ARPP19: variants seen among roughly 807,000 people sequenced by gnomAD.
ARPP19 encodes the protein cAMP regulated phosphoprotein 19.
A neutral mutation model predicts 12.0 loss-of-function variants in ARPP19; 8 were observed. That is an observed-to-expected ratio of 0.67 (90% CI 0.39 to 1.21). The LOEUF (loss-of-function observed/expected upper bound fraction) is 1.21, where lower values mean the gene tolerates loss of function less well. Ranked by LOEUF, ARPP19 falls within the 50% of genes most tolerant of loss-of-function variation. The pLI, the probability that ARPP19 is intolerant of heterozygous loss-of-function variation, is 0.01. For missense variants in ARPP19, 102 were observed against 136.3 expected (o/e 0.75, Z 1.25); for synonymous variants, 47 against 50.4 (o/e 0.93, Z 0.29).
chr15:52,568,622 A>C (rs561691901), intron 1 of ARPP19: 96 of 462,288 alleles, frequency 2.1e-4, no homozygotes, highest in Non-Finnish European at 3.4e-4. Context: ...CGACCCACGG[A>C]GGTGTTACAA....
At position 52,555,857 on chromosome 15, in the gene ARPP19, T is replaced by C. The variant is rs1259892062; in HGVS notation, c.168+1243A>G. On this transcript the variant is annotated intron_variant, in intron 2 of 2. Coordinates refer to ENST00000249822, the MANE Select transcript of ARPP19 (RefSeq NM_006628.6). ...GCATTTCACTGATGTCTATAATATA[T>C]AAACATTTCTCTGTTTTTTATATTT... Among the ~76,000 whole-genome samples the C allele has an allele frequency of 2.6e-5, 4 of 151,906 alleles. No homozygotes were observed. The South Asian group carries it at 8.3e-4, about 31-fold the overall frequency.
chr15:52,568,778 C>T, intron 1 of ARPP19, 70 bp downstream of exon 1: 3 of 1,199,058 alleles, frequency 2.5e-6, no homozygotes, highest in Non-Finnish European at 3.4e-6. Flanking sequence ...GGCCCTCCGC[C>T]TGGCGGGAGC....
intron 1 of ARPP19, among the ~76,000 whole-genome samples, chr15:52,560,334 A>G (rs1434328360): frequency 1.3e-5 from 2 of 152,180 alleles, no homozygotes; most frequent in African/African-American, 4.8e-5. Context: ...ACATTGATAT[A>G]TCATATTAAG....
chr15:52,558,713 C>T (rs1227416048), intron 1 of ARPP19, among the ~76,000 whole-genome samples: 1 of 149,276 alleles, frequency 6.7e-6, no homozygotes, highest in African/African-American at 2.5e-5. Context: ...ATTTATCTAT[C>T]TAAGCACTGA....
Position 52,550,814 on chromosome 15 carries a change from T to C in ARPP19, c.*1120A>G, listed in dbSNP as rs886464720. The C allele has an allele frequency of 2.0e-5, 3 of 152,642 alleles. No individual in the cohort carries two copies. The highest frequency in any genetic ancestry group is 7.2e-5 in the African/African-American group (3 of 41,462). The allele number at this position is 152,642 out of a possible 1,614,324, so 9.5% of individuals were successfully genotyped here. A position where few individuals can be genotyped will look rare whatever the true frequency, so the allele number is the denominator to read the frequency against. On this transcript the variant is annotated 3_prime_UTR_variant, in exon 3 of 3. Coordinates refer to ENST00000249822, the MANE Select transcript of ARPP19 (RefSeq NM_006628.6). ...GAATGCAGAGTATTGAAGCCTTTTA[T>C]TCTAGGGTCTCCAAAACTGAGTGTG...
intron 1 of ARPP19, 28 bp downstream of exon 1, chr15:52,568,820 G>A (rs901929744): frequency 3.9e-6 from 6 of 1,552,652 alleles, no homozygotes; most frequent in Non-Finnish European, 5.2e-6. Flanking sequence ...CTTGGGCAGG[G>A]CCCAGGGCTC....
chr15:52,559,293 AGT>A (rs1213255998), intron 1 of ARPP19, among the ~76,000 whole-genome samples: 1 of 152,156 alleles, frequency 6.6e-6, no homozygotes, highest in African/African-American at 2.4e-5. Context: ...CAGAGAGGTA[AGT>A]GTGAGGTATG....
chr15:52,551,929 C>G lies in ARPP19; in HGVS notation c.*5G>C. The G allele has an allele frequency of 6.2e-7, 1 of 1,609,578 alleles. No individual in the cohort carries two copies. Among genetic ancestry groups the G allele is most frequent in the Non-Finnish European group, 8.5e-7 (1 of 1,176,698 alleles). On this transcript the variant is annotated 3_prime_UTR_variant, in exon 3 of 3. Transcript: ENST00000249822. Reference sequence around the variant, plus strand: ...TTAGCAGATTCATGCAGTTCAGCCTCTTAATCAGCCAGCCAGCTTGCTAGC... The same window carrying G: ...TTAGCAGATTCATGCAGTTCAGCCTGTTAATCAGCCAGCCAGCTTGCTAGC...
chr15:52,568,689 C>T (rs1316573814), intron 1 of ARPP19, 159 bp downstream of exon 1: 2 of 503,428 alleles, frequency 4.0e-6, no homozygotes, highest in South Asian at 3.2e-5. Flanking sequence ...CGTCGGCGCA[C>T]CAGCCAGCGA....
chr15:52,567,061 C>T (rs1258178371), intron 1 of ARPP19, among the ~76,000 whole-genome samples: 1 of 152,126 alleles, frequency 6.6e-6, no homozygotes, highest in Non-Finnish European at 1.5e-5. Context: ...ACTGATCTTC[C>T]AAATAGAAGA....
intron 1 of ARPP19, among the ~76,000 whole-genome samples, chr15:52,558,747 T>A (rs1189100517): frequency 6.6e-6 from 1 of 151,424 alleles, no homozygotes; most frequent in Admixed American, 6.6e-5. Flanking sequence ...TTCATAAAAT[T>A]TTGGCATATA....
At chr15:52,563,992 C>CT (rs913658240) in intron 1 of ARPP19, among the ~76,000 whole-genome samples, 18 of 152,130 alleles carry the variant, frequency 1.2e-4, no homozygotes, top group African/African-American at 3.4e-4. Flanking sequence ...AGCTATAAAG[C>CT]TAAGAAACTT....
At chr15:52,561,140 C>G (rs1413478504) in intron 1 of ARPP19, among the ~76,000 whole-genome samples, 2 of 152,208 alleles carry the variant, frequency 1.3e-5, no homozygotes, top group Non-Finnish European at 2.9e-5. Context: ...TATCCACAGT[C>G]ATGTTCAAAA....
At chr15:52,567,457 A>G (rs537229388) in intron 1 of ARPP19, among the ~76,000 whole-genome samples, 1 of 152,188 alleles carries the variant, frequency 6.6e-6, no homozygotes, top group Non-Finnish European at 1.5e-5. Flanking sequence ...GTTTGATGTA[A>G]GTGTTTAAGG....
intron 1 of ARPP19, chr15:52,557,601 A>T (rs1422389093): frequency 6.5e-6 from 1 of 154,796 alleles, no homozygotes. Flanking sequence ...TAAAATATAC[A>T]GAATTTTTTC....
At chr15:52,563,160 C>T (rs1403927810) in intron 1 of ARPP19, among the ~76,000 whole-genome samples, 1 of 152,092 alleles carries the variant, frequency 6.6e-6, no homozygotes, top group African/African-American at 2.4e-5. Flanking sequence ...AGGTGTGAGC[C>T]ACCGTGAAGA....
intron 2 of ARPP19, among the ~76,000 whole-genome samples, chr15:52,554,802 G>C (rs2140232747): frequency 6.6e-6 from 1 of 152,240 alleles, no homozygotes; most frequent in African/African-American, 2.4e-5. Flanking sequence ...ACAGCTTCTT[G>C]ATATCCCTCC....
rs1185589458 is a variant in ARPP19 at position 52,560,801 on chromosome 15, G to GCCA, written c.46-3582_46-3580dup. On this transcript the variant is annotated intron_variant, in intron 1 of 2. Coordinates refer to ENST00000249822, the MANE Select transcript of ARPP19 (RefSeq NM_006628.6). The stretch of plus-strand genomic sequence containing the variant: ...AAGAATCCATTCTGCTCCTGGTGAT[G>GCCA]CCACCACCAACAGCAGACAGCAGTC... 2.6e-5 allele frequency among the ~76,000 whole-genome samples: 4 copies of GCCA among 152,336 alleles called. No homozygotes were observed. In the East Asian group the frequency reaches 7.7e-4, roughly 29 times the overall value.
At chr15:52,557,304 A>G (rs1398123058) in intron 1 of ARPP19, 82 bp from the exon 2 acceptor site, 2 of 1,191,552 alleles carry the variant, frequency 1.7e-6, no homozygotes, top group East Asian at 5.1e-5. Context: ...TGGATTCTGA[A>G]TTCTAGTTGT....
Sources: gnomAD v4.1 joint callset for allele counts (sites outside exome capture counted in the v4.1 genomes callset) on GRCh38, gnomAD v4.1.1 for gene constraint, MANE v1.5 for transcripts, NCBI Gene and HGNC (gene_info 2026-07-23, HGNC 2026-07-21) for gene names.